Variants in DYM observed in about 807,000 individuals in gnomAD.
The protein encoded by DYM is dyggve-Melchior-Clausen syndrome protein.
DYM carries 78 observed loss-of-function variants against 93.1 expected under a neutral mutation model. The observed-to-expected ratio is 0.84, with a 90% CI of 0.70 to 1.01. The LOEUF is 1.01. Among genes scored for constraint, DYM ranks in the 50% least tolerant of loss-of-function variants. The pLI is 0.00. For missense variants in DYM, 789 were observed against 845.0 expected (o/e 0.93, Z 0.82); for synonymous variants, 321 against 319.7 (o/e 1.00, Z -0.04).
intron 6 of DYM, among the ~76,000 whole-genome samples, chr18:49,358,978 G>C (rs1465814811): frequency 2.0e-5 from 3 of 152,096 alleles, no homozygotes; most frequent in African/African-American, 7.2e-5. Context: ...CTGCTTCTGC[G>C]GCTATGGCCA....
intron 6 of DYM, among the ~76,000 whole-genome samples, chr18:49,361,706 A>G (rs2066033709): frequency 6.6e-6 from 1 of 151,836 alleles, no homozygotes; most frequent in South Asian, 2.1e-4. Flanking sequence ...GGGACAATAT[A>G]TTTTTTTAAT....
At chr18:49,171,734 C>T (rs2088761371) in intron 14 of DYM, among the ~76,000 whole-genome samples, 1 of 151,914 alleles carries the variant, frequency 6.6e-6, no homozygotes, top group Non-Finnish European at 1.5e-5. Context: ...TTACAGCCCC[C>T]ATACCACCGA....
At chr18:49,236,929 C>T (rs2093884760) in intron 13 of DYM, among the ~76,000 whole-genome samples, 1 of 152,148 alleles carries the variant, frequency 6.6e-6, no homozygotes, top group Admixed American at 6.5e-5. Flanking sequence ...AGTCTTTTTC[C>T]TTGTTGCTTA....
chr18:49,118,019 T>C (rs9950841), intron 16 of DYM, among the ~76,000 whole-genome samples: 1 of 134,932 alleles, frequency 7.4e-6, no homozygotes, highest in African/African-American at 3.1e-5. Context: ...TTTTTTTTTT[T>C]TGTGTGTGAG....
chr18:49,315,944 T>C (rs544833030), intron 8 of DYM, among the ~76,000 whole-genome samples: 2 of 152,262 alleles, frequency 1.3e-5, no homozygotes, highest in South Asian at 4.1e-4. Flanking sequence ...GACAATAAAA[T>C]ACCCAAGTTT....
intron 15 of DYM, among the ~76,000 whole-genome samples, chr18:49,122,773 A>G (rs1221556970): frequency 6.6e-6 from 1 of 152,176 alleles, no homozygotes; most frequent in Non-Finnish European, 1.5e-5. Flanking sequence ...TATATTCTTC[A>G]GCATCACAAC....
intron 8 of DYM, among the ~76,000 whole-genome samples, chr18:49,329,236 A>G (rs538370182): frequency 7.3e-6 from 1 of 137,348 alleles, no homozygotes; most frequent in South Asian, 2.5e-4. Flanking sequence ...CTGAATAATG[A>G]GAACTCTTGG....
At chr18:49,236,403 C>G (rs2093863930) in intron 13 of DYM, among the ~76,000 whole-genome samples, 2 of 151,772 alleles carry the variant, frequency 1.3e-5, no homozygotes. Flanking sequence ...CGGTGTGAAC[C>G]CAGGAGGCGG....
At chr18:49,442,899 C>T (rs1262344661) in intron 1 of DYM, among the ~76,000 whole-genome samples, 1 of 151,642 alleles carries the variant, frequency 6.6e-6, no homozygotes, top group Non-Finnish European at 1.5e-5. Context: ...GCTCTGTCAC[C>T]CAGGGTGGAG....
intron 1 of DYM, among the ~76,000 whole-genome samples, chr18:49,455,179 G>A (rs1005535540): frequency 1.3e-5 from 2 of 152,196 alleles, no homozygotes; most frequent in African/African-American, 4.8e-5. Context: ...AAGACTTCCA[G>A]ATTGATGAAT....
chr18:49,448,108 C>G (rs1316357737), intron 1 of DYM, among the ~76,000 whole-genome samples: 1 of 152,196 alleles, frequency 6.6e-6, no homozygotes, highest in East Asian at 1.9e-4. Flanking sequence ...TGCCTCTCTA[C>G]TAGAAACCAG....
chr18:49,406,728 T>C (rs1410391211), intron 2 of DYM, among the ~76,000 whole-genome samples: 1 of 152,226 alleles, frequency 6.6e-6, no homozygotes, highest in African/African-American at 2.4e-5. Context: ...ACTGGCTCTC[T>C]CACACATTGC....
chr18:49,134,024 A>C (rs2083609016), intron 15 of DYM, among the ~76,000 whole-genome samples: 1 of 152,218 alleles, frequency 6.6e-6, no homozygotes, highest in South Asian at 2.1e-4. Flanking sequence ...ATATCATGTA[A>C]CTAACTTTGA....
At chr18:49,088,595 T>G (rs1672451862) in intron 17 of DYM, among the ~76,000 whole-genome samples, 1 of 150,284 alleles carries the variant, frequency 6.7e-6, no homozygotes, top group Non-Finnish European at 1.5e-5. Flanking sequence ...TAAACAGTAC[T>G]CCATAAAGCA....
rs1342426838 is a variant in DYM, at chr18:49,289,762, TATATATATATAC to T, written c.764-3158_764-3147del. On this transcript the variant is annotated intron_variant, in intron 8 of 17. Transcript: ENST00000675505. ...ATATATATATATATATATATATATATATATATATATACACATATATATATATACACACATATA... is the reference window on the plus strand; with the variant it reads ...ATATATATATATATATATATATATATACATATATATATATACACACATATA... Among the ~76,000 whole-genome samples the T allele has an allele frequency of 1.7e-3, 70 of 42,164 alleles. 2 individuals are homozygous for T. The highest frequency in any genetic ancestry group is 5.9e-3 in the African/African-American group (65 of 10,944). 27.7% of individuals were successfully genotyped at this position (42,164 alleles called of 152,430 possible).
At chr18:49,382,144 AC>A (rs2068098761) in intron 3 of DYM, among the ~76,000 whole-genome samples, 1 of 152,202 alleles carries the variant, frequency 6.6e-6, no homozygotes, top group African/African-American at 2.4e-5. Context: ...ATTTAAAAAA[AC>A]AAAACAAAAC....
At position 49,042,517 on chromosome 18, in the gene DYM, T is replaced by G. The variant is rs1228731064; in HGVS notation, c.*1538A>C. On this transcript the variant is annotated 3_prime_UTR_variant, in exon 18 of 18. Coordinates refer to ENST00000675505, the MANE Select transcript of DYM (RefSeq NM_001353214.3). ...GACCTTTTACAGAGCTTGGGGTGAC[T>G]GAGAATGGTTCCTCCGAGGCCCTCG... The G allele has an allele frequency of 2.0e-5, 3 of 152,236 alleles. No homozygotes were observed. Among genetic ancestry groups the G allele is most frequent in the Non-Finnish European group, 4.4e-5 (3 of 68,112 alleles). 9.4% of individuals were successfully genotyped at this position (152,236 alleles called of 1,614,324 possible).
chr18:49,087,905 C>CAT (rs1193855920), intron 17 of DYM, among the ~76,000 whole-genome samples: 1 of 152,208 alleles, frequency 6.6e-6, no homozygotes, highest in Admixed American at 6.5e-5. Context: ...CTTTTGGCTG[C>CAT]ATAAATGTCT....
At chr18:49,248,277 T>C (rs573272) in intron 13 of DYM, among the ~76,000 whole-genome samples, 151,720 of 152,350 alleles carry the variant, frequency 1, 75,552 homozygotes, top group Middle Eastern at 1. Flanking sequence ...AAAAATCCAT[T>C]GGGCAGGGAA....
Sources: gnomAD v4.1 joint callset for allele counts (sites outside exome capture counted in the v4.1 genomes callset) on GRCh38, gnomAD v4.1.1 for gene constraint, MANE v1.5 for transcripts, NCBI Gene and HGNC (gene_info 2026-07-23, HGNC 2026-07-21) for gene names.